Variants in LRRC4C observed in about 807,000 individuals in gnomAD.
LRRC4C encodes leucine-rich repeat-containing protein 4C.
Under a neutral mutation model 33.6 loss-of-function variants are expected in LRRC4C, and 5 were observed. That is an observed-to-expected ratio of 0.15 (90% CI 0.08 to 0.31). The LOEUF is 0.31. Ranked by LOEUF, LRRC4C falls within the 10% of genes least tolerant of loss-of-function variation. LRRC4C has a pLI of 1.00. For missense variants in LRRC4C, 560 were observed against 796.7 expected, an observed-to-expected ratio of 0.70 and a Z score of 3.58; for synonymous variants, 329 against 302.0, an observed-to-expected ratio of 1.09 and a Z score of -0.93.
chr11:40,794,199 T>C (rs147061313), intron 2 of LRRC4C, among the ~76,000 whole-genome samples: 84 of 152,120 alleles, frequency 5.5e-4, no homozygotes, highest in African/African-American at 2.0e-3. Flanking sequence ...ATAATTATGG[T>C]TCAGGAATCT....
At chr11:40,629,850 A>G (rs1410906610) in intron 3 of LRRC4C, among the ~76,000 whole-genome samples, 1 of 152,180 alleles carries the variant, frequency 6.6e-6, no homozygotes, top group East Asian at 1.9e-4. Flanking sequence ...TAGACATAGA[A>G]TCTATATTTA....
intron 5 of LRRC4C, among the ~76,000 whole-genome samples, chr11:40,142,154 C>T (rs1178827749): frequency 2.0e-5 from 3 of 151,476 alleles, no homozygotes; most frequent in Non-Finnish European, 2.9e-5. Context: ...TGGTGGTGCA[C>T]GCCTGTAGTC....
chr11:40,258,248 T>C (rs1271953457), intron 4 of LRRC4C, among the ~76,000 whole-genome samples: 1 of 152,154 alleles, frequency 6.6e-6, no homozygotes, highest in Non-Finnish European at 1.5e-5. Flanking sequence ...TGCTCAGACA[T>C]TTGTATGAAT....
intron 1 of LRRC4C, among the ~76,000 whole-genome samples, chr11:41,329,618 T>A (rs1394288924): frequency 6.6e-6 from 1 of 152,234 alleles, no homozygotes; most frequent in Admixed American, 6.5e-5. Context: ...CAGTCTCTGA[T>A]TCCTTACTCC....
intron 3 of LRRC4C, among the ~76,000 whole-genome samples, chr11:40,547,561 A>G (rs1956973454): frequency 6.6e-6 from 1 of 152,034 alleles, no homozygotes; most frequent in African/African-American, 2.4e-5. Flanking sequence ...CTAAATGAAT[A>G]TTTCCAATAT....
intron 3 of LRRC4C, among the ~76,000 whole-genome samples, chr11:40,625,427 G>T (rs573812677): frequency 6.6e-6 from 1 of 152,304 alleles, no homozygotes; most frequent in East Asian, 1.9e-4. Context: ...GCAGGCAAGA[G>T]AGTGTGTGCA....
chr11:41,040,704 T>G (rs1857380320), intron 1 of LRRC4C, among the ~76,000 whole-genome samples: 1 of 152,210 alleles, frequency 6.6e-6, no homozygotes, highest in Non-Finnish European at 1.5e-5. Flanking sequence ...TGTCACCTTC[T>G]TTCTCAACAT....
Position 40,329,061 on chromosome 11 carries a change from A to G in LRRC4C, c.-269-9340T>C, listed in dbSNP as rs374008866. On this transcript the variant is annotated intron_variant, in intron 3 of 6. Coordinates refer to ENST00000528697, the MANE Select transcript of LRRC4C (RefSeq NM_001258419.2). ...AAACTGAGACCTCTGTGGTGAGCCAAAAAGTAGGCTTAGTGCAAATAGACC... is the reference window on the plus strand; with the variant it reads ...AAACTGAGACCTCTGTGGTGAGCCAGAAAGTAGGCTTAGTGCAAATAGACC... Among the ~76,000 whole-genome samples, 5 of 152,346 alleles carry G rather than the reference A, an allele frequency of 3.3e-5. No individual in the cohort carries two copies. The East Asian group carries it at 9.7e-4, about 29-fold the overall frequency.
At chr11:40,512,381 A>G (rs1955363219) in intron 3 of LRRC4C, among the ~76,000 whole-genome samples, 1 of 145,272 alleles carries the variant, frequency 6.9e-6, no homozygotes, top group Non-Finnish European at 1.5e-5. Flanking sequence ...CTCAAAACAA[A>G]AACAAAAACA....
At chr11:41,140,554 A>C (rs1179462802) in intron 1 of LRRC4C, among the ~76,000 whole-genome samples, 2 of 151,924 alleles carry the variant, frequency 1.3e-5, no homozygotes, top group African/African-American at 2.4e-5. Context: ...ACCTCTAACA[A>C]AATAGAGAAT....
chr11:40,851,028 G>A (rs1274737153), intron 2 of LRRC4C, among the ~76,000 whole-genome samples: 1 of 152,286 alleles, frequency 6.6e-6, no homozygotes, highest in Non-Finnish European at 1.5e-5. Context: ...TGCTGGCAGT[G>A]AGAATTTCAA....
intron 2 of LRRC4C, among the ~76,000 whole-genome samples, chr11:40,909,592 A>G (rs1956575644): frequency 1.3e-5 from 2 of 152,070 alleles, no homozygotes; most frequent in Non-Finnish European, 2.9e-5. Context: ...AAGCATATAG[A>G]CCAGTCCTAC....
In LRRC4C at chr11:41,018,313, A is replaced by T. The variant is rs575312275; in HGVS notation, c.-495-84590T>A. Among the ~76,000 whole-genome samples, 3 of 152,234 alleles carry T rather than the reference A, an allele frequency of 2.0e-5. 1 individual carries two copies. In the South Asian group the frequency reaches 6.2e-4, roughly 32 times the overall value. ...CTTTTTGTCAATTAAACACTTCTAG[A>T]TCAGCACCAAAATCTTTCTTAGAGA... On this transcript the variant is annotated intron_variant, in intron 1 of 6. Coordinates refer to ENST00000528697, the MANE Select transcript of LRRC4C (RefSeq NM_001258419.2).
chr11:41,063,432 A>G (rs1195312577), intron 1 of LRRC4C, among the ~76,000 whole-genome samples: 1 of 152,180 alleles, frequency 6.6e-6, no homozygotes, highest in Non-Finnish European at 1.5e-5. Context: ...AAGGGCTAAG[A>G]GGCAAATAAA....
chr11:40,118,262 A>G (rs2134622248), intron 6 of LRRC4C, among the ~76,000 whole-genome samples: 1 of 149,644 alleles, frequency 6.7e-6, no homozygotes, highest in African/African-American at 2.4e-5. Context: ...TTAATATAAA[A>G]TATTTTATTA....
At chr11:40,153,790 G>GA (rs1339633436) in intron 5 of LRRC4C, among the ~76,000 whole-genome samples, 1 of 152,050 alleles carries the variant, frequency 6.6e-6, no homozygotes, top group Non-Finnish European at 1.5e-5. Context: ...AGAAGACTGG[G>GA]AGTATGTTAA....
chr11:40,745,553 A>T (rs1204183416), intron 2 of LRRC4C, among the ~76,000 whole-genome samples: 2 of 152,210 alleles, frequency 1.3e-5, no homozygotes, highest in Non-Finnish European at 2.9e-5. Context: ...TGGGTGGGAC[A>T]TATGGCAGAT....
intron 2 of LRRC4C, among the ~76,000 whole-genome samples, chr11:40,652,948 G>C (rs10837459): frequency 0.19 from 29,420 of 152,010 alleles, 3,350 homozygotes; most frequent in East Asian, 0.47. Context: ...TCTCATGCTA[G>C]TGAGTAAATT....
At chr11:41,012,829 C>G (rs116489347) in intron 1 of LRRC4C, among the ~76,000 whole-genome samples, 1 of 151,926 alleles carries the variant, frequency 6.6e-6, no homozygotes, top group Non-Finnish European at 1.5e-5. Context: ...GGCATTTCTC[C>G]GATGATTTGT....
Sources: gnomAD v4.1 joint callset for allele counts (sites outside exome capture counted in the v4.1 genomes callset) on GRCh38, gnomAD v4.1.1 for gene constraint, MANE v1.5 for transcripts, NCBI Gene and HGNC (gene_info 2026-07-23, HGNC 2026-07-21) for gene names.